CAPN10: variants seen among roughly 807,000 people sequenced by gnomAD.
The protein encoded by CAPN10 is calpain-10.
CAPN10 carries 71 observed loss-of-function variants against 78.4 expected under a neutral mutation model. The observed-to-expected ratio is 0.91, with a 90% CI of 0.75 to 1.10. The LOEUF is 1.10. Ranked by LOEUF, CAPN10 falls within the 50% of genes least tolerant of loss-of-function variation. The probability of loss-of-function intolerance (pLI) is 0.00; values close to 1 mark genes in which losing one functional copy is unlikely to be tolerated. For synonymous variants in CAPN10, 437 were observed against 407.2 expected (o/e 1.07, Z -0.88); for missense variants, 849 against 924.6 (o/e 0.92, Z 1.06).
intron 6 of CAPN10, 118 bp downstream of exon 6, chr2:240,594,827 T>G: frequency 8.0e-7 from 1 of 1,257,552 alleles, no homozygotes; most frequent in Non-Finnish European, 1.1e-6. Context: ...CGTGGAGAGA[T>G]GATTCTGTCC....
At position 240,598,800 on chromosome 2, in the gene CAPN10, A is replaced by G. The variant is rs1391916502; in HGVS notation, c.*120A>G. The stretch of plus-strand genomic sequence containing the variant: ...GGTCCTGAGTCTTGGCCTGCCTCCC[A>G]GCCCTGCCAGGAGGCTGCGGCCTAG... On this transcript the variant is annotated 3_prime_UTR_variant, in exon 12 of 12. Transcript: ENST00000391984. 1.2e-5 allele frequency: 12 copies of G among 994,376 alleles called. No homozygotes were observed. The highest frequency in any genetic ancestry group is 1.7e-5 in the Non-Finnish European group (11 of 646,948). 61.6% of individuals were successfully genotyped at this position (994,376 alleles called of 1,614,324 possible).
chr2:240,587,067 G>A lies in CAPN10; in HGVS notation c.141+15G>A. On this transcript the variant is annotated intron_variant, in intron 1 of 11. Coordinates refer to ENST00000391984, the MANE Select transcript of CAPN10 (RefSeq NM_023083.4). ...GGCGGCCCCAGGTGGGGCCGTGTGG[G>A]GTGCGGTGGGCGCCGTTTCTGGTTT... 1 of 1,362,774 alleles carries A rather than the reference G, an allele frequency of 7.3e-7. No homozygotes were observed. The highest frequency in any genetic ancestry group is 2.3e-4 in the Middle Eastern group (1 of 4,330). The allele number at this position is 1,362,774 out of a possible 1,614,324, so 84.4% of individuals were successfully genotyped here.
Position 240,594,525 on chromosome 2 carries a change from A to C in CAPN10, c.831-18A>C. 1.2e-6 allele frequency: 2 copies of C among 1,606,278 alleles called. No individual in the cohort carries two copies. The highest frequency in any genetic ancestry group is 2.2e-5 in the South Asian group (2 of 90,752). On this transcript the variant is annotated intron_variant, in intron 5 of 11. Transcript: ENST00000391984. ...CAGTTCTCGGGAGGGGCTTCTGCTG[A>C]GATGAGGTTTCTTCCAGGGGTGAAG...
chr2:240,589,530 C>A, intron 2 of CAPN10, 56 bp downstream of exon 2: 1 of 1,555,806 alleles, frequency 6.4e-7, no homozygotes, highest in Non-Finnish European at 8.6e-7. Flanking sequence ...TGCGTTTCTC[C>A]AGCCTGCTGA....
In CAPN10 at chr2:240,590,955, C is replaced by T; in HGVS notation, c.414C>T (p.Ser138=). ...GCCTTGCAGGGAGACTCTGTTTCTC[C>T]CGCTGCCAGAGGGAGGATGTGTTCT... ...LPCLAGRLCF[S]RCQREDVFWL... The change falls in exon 3 of 12, where the codon TCC becomes TCT. Residue 138 remains serine (S), a synonymous_variant. Coordinates refer to ENST00000391984, the MANE Select transcript of CAPN10 (RefSeq NM_023083.4). 2 of 1,614,196 alleles carry T rather than the reference C, an allele frequency of 1.2e-6. No homozygotes were observed. The highest frequency in any genetic ancestry group is 1.7e-6 in the Non-Finnish European group (2 of 1,180,034).
chr2:240,589,573 C>T, intron 2 of CAPN10, 99 bp downstream of exon 2: 2 of 1,426,334 alleles, frequency 1.4e-6, no homozygotes, highest in Non-Finnish European at 1.9e-6. Flanking sequence ...CAGAGCTGTG[C>T]CGCAGCCGGA....
At position 240,598,823 on chromosome 2, in the gene CAPN10, T is replaced by C; in HGVS notation, c.*143T>C. On this transcript the variant is annotated 3_prime_UTR_variant, in exon 12 of 12. Transcript: ENST00000391984. ...CCAGCCCTGCCAGGAGGCTGCGGCC[T>C]AGGGGTCCACGGGAAGCCTCCGTCA... The C allele has an allele frequency of 1.3e-6, 1 of 762,974 alleles. No individual in the cohort carries two copies. The allele number at this position is 762,974 out of a possible 1,614,324, so 47.3% of individuals were successfully genotyped here. A position where few individuals can be genotyped will look rare whatever the true frequency, so the allele number is the denominator to read the frequency against.
At chr2:240,589,238 C>G (rs996443228) in intron 1 of CAPN10, 105 bp from the exon 2 acceptor site, 3 of 1,461,364 alleles carry the variant, frequency 2.1e-6, no homozygotes, top group Non-Finnish European at 2.9e-6. Flanking sequence ...CACTGATGAT[C>G]GGAAAAGCTC....
At position 240,593,899 on chromosome 2, in the gene CAPN10, C is replaced by T; in HGVS notation, c.689-7C>T. On this transcript the variant is annotated splice_polypyrimidine_tract_variant and splice_region_variant and intron_variant, in intron 4 of 11. Transcript: ENST00000391984. ...TCCTGCCTGTGCCTGCGCCATTCCTCATGCAGGTGCCCGGGAGCTGGGGGA... is the reference window on the plus strand; with the variant it reads ...TCCTGCCTGTGCCTGCGCCATTCCTTATGCAGGTGCCCGGGAGCTGGGGGA... The T allele has an allele frequency of 5.7e-6, 9 of 1,590,410 alleles. No individual in the cohort carries two copies. The highest frequency in any genetic ancestry group is 2.3e-5 in the East Asian group (1 of 44,214).
In CAPN10 at chr2:240,590,871, C is replaced by A; in HGVS notation, c.330C>A (p.Thr110=). The change falls in exon 3 of 12, where the codon ACC becomes ACA. Residue 110 remains threonine, a synonymous_variant. Coordinates refer to ENST00000391984, the MANE Select transcript of CAPN10 (RefSeq NM_023083.4). The part of the protein sequence containing the change: ...WADQEYRGSF[T]CRIWQFGRWV... Reference sequence around the variant, plus strand: ...ACCAGGAGTACCGGGGCTCCTTCACCTGTCGCATTTGGCAGTTTGGACGCT... The same window carrying A: ...ACCAGGAGTACCGGGGCTCCTTCACATGTCGCATTTGGCAGTTTGGACGCT... The A allele has an allele frequency of 6.2e-7, 1 of 1,614,244 alleles. No individual in the cohort carries two copies. The highest frequency in any genetic ancestry group is 2.2e-5 in the East Asian group (1 of 44,892).
rs371063044 is a variant in CAPN10, at chr2:240,595,006, C to G, written c.998-18C>G. On this transcript the variant is annotated intron_variant, in intron 6 of 11. Transcript: ENST00000391984. ...AGGAGCCGTGTCCCACAGCTGATGCCTGGTGTTTTCTCACTAGAGAGGCTG... is the reference window on the plus strand; with the variant it reads ...AGGAGCCGTGTCCCACAGCTGATGCGTGGTGTTTTCTCACTAGAGAGGCTG... 1.9e-6 allele frequency: 3 copies of G among 1,611,744 alleles called. No individual in the cohort carries two copies. Among genetic ancestry groups the G allele is most frequent in the African/African-American group, 1.3e-5 (1 of 74,892 alleles).
At chr2:240,588,080 G>C (rs564000131) in intron 1 of CAPN10, among the ~76,000 whole-genome samples, 1 of 152,186 alleles carries the variant, frequency 6.6e-6, no homozygotes, top group Non-Finnish European at 1.5e-5. Flanking sequence ...GATTGAAATA[G>C]AGGGTGAGGA....
At chr2:240,595,599 C>T (rs866558369) in intron 7 of CAPN10, among the ~76,000 whole-genome samples, 6 of 152,228 alleles carry the variant, frequency 3.9e-5, no homozygotes, top group Admixed American at 6.5e-5. Flanking sequence ...CCGGGGGGCT[C>T]CTGGCAGCGC....
chr2:240,589,665 G>C (rs1035485692), intron 2 of CAPN10, 191 bp downstream of exon 2: 19 of 736,470 alleles, frequency 2.6e-5, no homozygotes, highest in Non-Finnish European at 3.4e-5. Context: ...TGCAGGGGGG[G>C]GTGCCTTGGC....
chr2:240,595,817 G>A (rs1341288231), intron 7 of CAPN10: 3 of 634,818 alleles, frequency 4.7e-6, no homozygotes, highest in Admixed American at 2.4e-5. Context: ...TTCACAAAGT[G>A]TGTTGTTTCC....
At chr2:240,592,224 C>A in intron 4 of CAPN10, 74 bp downstream of exon 4, 2 of 1,274,366 alleles carry the variant, frequency 1.6e-6, no homozygotes, top group South Asian at 1.3e-5. Context: ...CACACTGTAG[C>A]TTTTTATGTG....
chr2:240,595,243 C>G lies in CAPN10; in HGVS notation c.1217C>G (p.Ser406Trp). Reference protein sequence around the residue: ...ARALVGDSHTSWSPASIPGKH... With the variant: ...ARALVGDSHTWWSPASIPGKH... ...GCACTGGTGGGTGACAGTCATACTT[C>G]GTGGAGCCCAGCGAGCATCCCGGGC... The change falls in exon 7 of 12, where the codon TCG becomes TGG. Residue 406 changes from serine to tryptophan, a missense_variant. Ser to Trp is a radical substitution (Grantham distance 177, BLOSUM62 -3). Transcript: ENST00000391984. 2 of 1,613,622 alleles carry G rather than the reference C, an allele frequency of 1.2e-6. No homozygotes were observed. Among genetic ancestry groups the G allele is most frequent in the Admixed American group, 1.7e-5 (1 of 60,024 alleles).
intron 3 of CAPN10, chr2:240,591,579 C>T: frequency 3.0e-6 from 1 of 334,614 alleles, no homozygotes; most frequent in Non-Finnish European, 5.5e-6. Context: ...GCCCAGTGAG[C>T]CCTTCCATCC....
At position 240,596,865 on chromosome 2, in the gene CAPN10, T is replaced by C; in HGVS notation, c.1666T>C (p.Cys556Arg). ...GGTCCCCGAGGGCCCTGGCCCCCGC[T>C]GCGTCCGCATCACTCTGCATCAGCA... ...FSVPEGPGPR[C>R]VRITLHQHCR... The change falls in exon 9 of 12, where the codon TGC becomes CGC. Residue 556 changes from cysteine to arginine, a missense_variant. Coordinates refer to ENST00000391984, the MANE Select transcript of CAPN10 (RefSeq NM_023083.4). The C allele has an allele frequency of 6.2e-7, 1 of 1,613,444 alleles. No individual in the cohort carries two copies. The highest frequency in any genetic ancestry group is 8.5e-7 in the Non-Finnish European group (1 of 1,179,986).
Sources: allele counts gnomAD v4.1 joint callset (sites outside exome capture counted in the v4.1 genomes callset), GRCh38; gene constraint gnomAD v4.1.1; transcripts MANE v1.5; gene names NCBI Gene and HGNC (gene_info 2026-07-23, HGNC 2026-07-21).